Variants in SMARCA1 observed in about 807,000 individuals in gnomAD.
SMARCA1 encodes SWI/SNF-related matrix-associated actin-dependent regulator of chromatin subfamily A member 1.
Under a neutral mutation model 93.6 loss-of-function variants are expected in SMARCA1, and 17 were observed. The observed-to-expected ratio is 0.18, with a 90% confidence interval of 0.12 to 0.27. The LOEUF is 0.27. Among genes scored for constraint, SMARCA1 ranks in the 10% least tolerant of loss-of-function variants. The pLI, the probability that SMARCA1 is intolerant of heterozygous loss-of-function variation, is 1.00. For missense variants in SMARCA1, 630 were observed against 819.0 expected (o/e 0.77, Z 2.82); for synonymous variants, 271 against 271.4 (o/e 1.00, Z 0.01).
At chrX:129,506,715 G>GAAAA (rs1934830266) in intron 7 of SMARCA1, among the ~76,000 whole-genome samples, 1 of 55,737 alleles carries the variant, frequency 1.8e-5, no homozygotes, top group African/African-American at 7.6e-5. Flanking sequence ...AAAAAAAAAA[G>GAAAA]GAAGAAGAAT....
intron 23 of SMARCA1, among the ~76,000 whole-genome samples, chrX:129,459,492 C>G (rs960556489): frequency 8.9e-6 from 1 of 112,522 alleles, no homozygotes; most frequent in African/African-American, 3.2e-5. Flanking sequence ...CTTAAATGAA[C>G]TCCTGTTAGT....
intron 11 of SMARCA1, among the ~76,000 whole-genome samples, chrX:129,497,508 C>T (rs996524736): frequency 8.9e-6 from 1 of 111,858 alleles, no homozygotes; most frequent in Admixed American, 9.5e-5. Context: ...AACCCTTCCC[C>T]TCCTTTTCCC....
At chrX:129,489,177 C>G in intron 15 of SMARCA1, 92 bp from the exon 16 acceptor site, 1 of 547,921 alleles carries the variant, frequency 1.8e-6, no homozygotes, top group Non-Finnish European at 2.9e-6. Context: ...CATTTAACCA[C>G]ACATAAAGCT....
intron 9 of SMARCA1, among the ~76,000 whole-genome samples, chrX:129,503,715 G>C (rs919229667): frequency 8.9e-6 from 1 of 111,814 alleles, no homozygotes; most frequent in African/African-American, 3.3e-5. Context: ...TGTAATCTCA[G>C]CACTTTGGGA....
chrX:129,513,735 C>G (rs916496361), intron 5 of SMARCA1, among the ~76,000 whole-genome samples: 2 of 109,465 alleles, frequency 1.8e-5, no homozygotes, highest in Non-Finnish European at 1.9e-5. Context: ...AGCTCCTCCC[C>G]CTCTGAGCTG....
intron 5 of SMARCA1, among the ~76,000 whole-genome samples, chrX:129,514,784 T>C (rs1334133770): frequency 3.6e-5 from 4 of 111,718 alleles, no homozygotes; most frequent in Non-Finnish European, 7.5e-5. Flanking sequence ...TGGGGGTGGC[T>C]CACACCTGTA....
chrX:129,492,889 T>C, intron 13 of SMARCA1, 151 bp downstream of exon 13: 1 of 301,527 alleles, frequency 3.3e-6, no homozygotes, highest in Non-Finnish European at 6.1e-6. Flanking sequence ...ATAACATTTT[T>C]GAAGATTTAA....
intron 19 of SMARCA1, among the ~76,000 whole-genome samples, chrX:129,476,392 G>A (rs143105120): frequency 8.9e-6 from 1 of 111,737 alleles, no homozygotes; most frequent in Non-Finnish European, 1.9e-5. Flanking sequence ...ATGAGGGAGG[G>A]AAAGGGGGAG....
chrX:129,505,560 TA>T (rs1369630525), intron 8 of SMARCA1, among the ~76,000 whole-genome samples: 2 of 110,687 alleles, frequency 1.8e-5, no homozygotes, highest in Non-Finnish European at 3.8e-5. Context: ...CCAAAGTTCT[TA>T]AATCTTTCCA....
At chrX:129,447,562 A>G (rs182743466) in intron 24 of SMARCA1, among the ~76,000 whole-genome samples, 56 of 111,776 alleles carry the variant, frequency 5.0e-4, no homozygotes, top group African/African-American at 1.6e-3. Context: ...TTATGAGTAT[A>G]TATTTTTTAA....
chrX:129,473,087 G>C (rs182587028), intron 19 of SMARCA1, among the ~76,000 whole-genome samples: 1 of 111,478 alleles, frequency 9.0e-6, no homozygotes, highest in Non-Finnish European at 1.9e-5. Flanking sequence ...CGCATATGGG[G>C]TTTATGTTGA....
At chrX:129,453,206 G>A (rs773418443) in intron 23 of SMARCA1, among the ~76,000 whole-genome samples, 1 of 111,715 alleles carries the variant, frequency 9.0e-6, no homozygotes, top group Non-Finnish European at 1.9e-5. Context: ...AAAAGGAAAC[G>A]ACTTACTTTA....
chrX:129,522,621 T>TA (rs1935442581), intron 1 of SMARCA1, among the ~76,000 whole-genome samples: 1 of 110,396 alleles, frequency 9.1e-6, no homozygotes, highest in South Asian at 3.9e-4. Flanking sequence ...ATGGTTTTTT[T>TA]CCTGCCATCC....
At position 129,448,366 on chromosome X, in the gene SMARCA1, T is replaced by C. The variant is rs760866305; in HGVS notation, c.3108A>G (p.Ala1036=). Residue 1036 remains alanine, a synonymous_variant, in exon 24 of 25, where the codon GCA becomes GCG. Coordinates refer to ENST00000371121, the MANE Select transcript of SMARCA1 (RefSeq NM_001282874.2). The part of the protein sequence containing the change: ...ENMEIEERER[A]EKKKRATKTP... ...TTTTAGTTGCCCGTTTCTTCTTTTC[T>C]GCTCTCTCTCTTTCCTCAATTTCCA... The C allele has an allele frequency of 9.0e-5, 108 of 1,200,610 alleles. No homozygotes were observed. Among genetic ancestry groups the C allele is most frequent in the Non-Finnish European group, 1.2e-4 (105 of 887,042 alleles).
chrX:129,492,977 T>C lies in SMARCA1; in HGVS notation c.1662+63A>G, dbSNP rs1433252983. 3 of 417,172 alleles carry C rather than the reference T, an allele frequency of 7.2e-6. No individual in the cohort carries two copies. The East Asian group carries it at 1.2e-4, about 16-fold the overall frequency. 34.4% of individuals were successfully genotyped at this position (417,172 alleles called of 1,213,427 possible). A position where few individuals can be genotyped will look rare whatever the true frequency, so the allele number is the denominator to read the frequency against. On this transcript the variant is annotated intron_variant, in intron 13 of 24. Transcript: ENST00000371121. Reference sequence around the variant, plus strand: ...ATACATTGCTGCTGGGAGTATAAATTGGTACAACCTTTCTGGAAAGCAATT... The same window carrying C: ...ATACATTGCTGCTGGGAGTATAAATCGGTACAACCTTTCTGGAAAGCAATT...
rs749760144 is a variant in SMARCA1, at chrX:129,485,798, ACTGT to A, written c.2217+1216_2217+1219del. 1.3e-3 allele frequency among the ~76,000 whole-genome samples: 141 copies of A among 111,197 alleles called. 1 individual carries two copies. The highest frequency in any genetic ancestry group is 4.1e-3 in the African/African-American group (125 of 30,598). ...CTAGCATTTCCCTCCTCTCTCTGGT[ACTGT>A]CTCTCTCTCTCTGTCTCTGCCATGT... On this transcript the variant is annotated intron_variant, in intron 17 of 24. Coordinates refer to ENST00000371121, the MANE Select transcript of SMARCA1 (RefSeq NM_001282874.2).
Position 129,471,256 on chromosome X carries a change from G to T in SMARCA1, c.2513C>A (p.Ala838Asp). 8.3e-7 allele frequency: 1 copy of T among 1,199,383 alleles called. No individual in the cohort carries two copies. ...QREEQKKIDGAEPLTPEETEE... is the reference protein window; with the variant it reads ...QREEQKKIDGDEPLTPEETEE... ...AGTCTCTTCTGGTGTAAGAGGTTCA[G>T]CTCCATCAATCTTTTTTTGCTCTTC... The change falls in exon 20 of 25, where the codon GCT (alanine) becomes GAT (aspartate). Residue 838 changes from alanine (A) to aspartate (D), a missense_variant. Ala to Asp is a moderately radical substitution (Grantham distance 126). This residue lies in a region of SMARCA1 where 52 missense variants were observed against 38.3 expected (regional missense o/e 1.36). Coordinates refer to ENST00000371121, the MANE Select transcript of SMARCA1 (RefSeq NM_001282874.2).
chrX:129,453,879 T>C (rs995827844), intron 23 of SMARCA1, among the ~76,000 whole-genome samples: 9 of 111,974 alleles, frequency 8.0e-5, no homozygotes, highest in African/African-American at 2.9e-4. Context: ...AAGTAATTTA[T>C]AGATTAAATG....
intron 23 of SMARCA1, 107 bp downstream of exon 23, chrX:129,465,413 G>A (rs1409450229): frequency 2.0e-5 from 10 of 505,068 alleles, no homozygotes; most frequent in Admixed American, 3.2e-5. Context: ...AAGAGAGAGC[G>A]CCAATGTGTC....
Sources: gnomAD v4.1 joint callset for allele counts (sites outside exome capture counted in the v4.1 genomes callset) on GRCh38, gnomAD v4.1.1 for gene constraint, gnomAD v4.1.1 regional missense constraint, MANE v1.5 for transcripts, NCBI Gene and HGNC (gene_info 2026-07-23, HGNC 2026-07-21) for gene names.